Variants in ROR2 observed in about 807,000 individuals in gnomAD.
ROR2 encodes tyrosine-protein kinase transmembrane receptor ROR2.
In ROR2, 33 loss-of-function variants were observed where a neutral mutation model predicts 74.9. That is an observed-to-expected ratio of 0.44 (90% CI 0.33 to 0.59). ROR2 has a LOEUF of 0.59. ROR2 is among the 20% of genes least tolerant of loss of function. ROR2 has a pLI of 0.02. For missense variants in ROR2, 1,216 were observed against 1,313.8 expected (o/e 0.93, Z 1.15); for synonymous variants, 586 against 558.7 (o/e 1.05, Z -0.69).
chr9:91,768,500 T>G (rs1826127072), intron 2 of ROR2, among the ~76,000 whole-genome samples: 1 of 151,972 alleles, frequency 6.6e-6, no homozygotes, highest in Admixed American at 6.6e-5. Flanking sequence ...TCCAGCAAGC[T>G]CAGGAAGAAT....
intron 1 of ROR2, among the ~76,000 whole-genome samples, chr9:91,906,772 A>C (rs947033557): frequency 1.3e-5 from 2 of 152,204 alleles, no homozygotes. Flanking sequence ...CCTGCTACAT[A>C]GTTCTGCACC....
At chr9:91,864,250 G>T (rs1829560318) in intron 1 of ROR2, among the ~76,000 whole-genome samples, 1 of 152,180 alleles carries the variant, frequency 6.6e-6, no homozygotes, top group Non-Finnish European at 1.5e-5. Flanking sequence ...TGCACCCAGG[G>T]AAAGAGATCC....
chr9:91,810,165 AGGCTAC>A (rs1322824617), intron 1 of ROR2, among the ~76,000 whole-genome samples: 2 of 152,196 alleles, frequency 1.3e-5, no homozygotes, highest in Non-Finnish European at 2.9e-5. Context: ...ACCATGCCCG[AGGCTAC>A]GGTGGCGACA....
intron 5 of ROR2, among the ~76,000 whole-genome samples, chr9:91,735,465 G>T (rs1824986511): frequency 6.6e-6 from 1 of 152,096 alleles, no homozygotes; most frequent in South Asian, 2.1e-4. Flanking sequence ...GATAACTGAG[G>T]GACAATCTTG....
chr9:91,851,992 C>A (rs943572355), intron 1 of ROR2, among the ~76,000 whole-genome samples: 1 of 146,780 alleles, frequency 6.8e-6, no homozygotes, highest in African/African-American at 2.6e-5. Context: ...AAAAAAAAGA[C>A]AATAGGGTTT....
intron 1 of ROR2, among the ~76,000 whole-genome samples, chr9:91,929,809 T>C (rs1326858967): frequency 1.3e-5 from 2 of 152,046 alleles, no homozygotes; most frequent in South Asian, 2.1e-4. Context: ...GGACGGCCAC[T>C]ACCTCAAGTG....
intron 1 of ROR2, among the ~76,000 whole-genome samples, chr9:91,846,959 C>T (rs1828952125): frequency 6.6e-6 from 1 of 152,104 alleles, no homozygotes; most frequent in Admixed American, 6.5e-5. Context: ...CCTTCTGGTA[C>T]CCAGATAACC....
intron 1 of ROR2, among the ~76,000 whole-genome samples, chr9:91,937,209 C>T (rs1236618449): frequency 6.6e-6 from 1 of 152,064 alleles, no homozygotes; most frequent in Non-Finnish European, 1.5e-5. Context: ...AACAAGCTGA[C>T]CCAGAGGCGC....
At chr9:91,946,445 G>A (rs925974861) in intron 1 of ROR2, among the ~76,000 whole-genome samples, 3 of 152,242 alleles carry the variant, frequency 2.0e-5, no homozygotes, top group Admixed American at 1.3e-4. Flanking sequence ...ACAAGACGCT[G>A]ATGGGGTGTG....
intron 2 of ROR2, among the ~76,000 whole-genome samples, chr9:91,768,817 G>A (rs969201222): frequency 6.6e-6 from 1 of 152,124 alleles, no homozygotes; most frequent in African/African-American, 2.4e-5. Context: ...TCCTATTTGT[G>A]GGGTAGAGTT....
At chr9:91,798,416 T>A (rs1186685665) in intron 1 of ROR2, among the ~76,000 whole-genome samples, 1 of 116,014 alleles carries the variant, frequency 8.6e-6, no homozygotes. Context: ...CCCTGGGCTC[T>A]GTGGGTGGGG....
At chr9:91,867,438 G>GT (rs1367430486) in intron 1 of ROR2, among the ~76,000 whole-genome samples, 7 of 152,130 alleles carry the variant, frequency 4.6e-5, no homozygotes, top group Non-Finnish European at 8.8e-5. Flanking sequence ...CTCCATTGCT[G>GT]TTTTTTCTCT....
At chr9:91,737,603 G>T (rs993810955) in intron 4 of ROR2, 85 bp from the exon 5 acceptor site, 1 of 1,589,530 alleles carries the variant, frequency 6.3e-7, no homozygotes, top group Non-Finnish European at 8.6e-7. Context: ...AGCATCTTGC[G>T]ATCCAGCAAT....
intron 4 of ROR2, among the ~76,000 whole-genome samples, chr9:91,738,652 G>C (rs983904953): frequency 6.6e-6 from 1 of 152,222 alleles, no homozygotes; most frequent in Non-Finnish European, 1.5e-5. Context: ...GGTGATGGTA[G>C]GGACTCCAAG....
At chr9:91,943,674 T>A (rs952414309) in intron 1 of ROR2, among the ~76,000 whole-genome samples, 3 of 152,192 alleles carry the variant, frequency 2.0e-5, no homozygotes, top group African/African-American at 4.8e-5. Context: ...AGGCTGAGGA[T>A]ACACCGTCAA....
At chr9:91,893,864 C>T (rs1220066014) in intron 1 of ROR2, among the ~76,000 whole-genome samples, 1 of 152,210 alleles carries the variant, frequency 6.6e-6, no homozygotes, top group East Asian at 1.9e-4. Flanking sequence ...TCTTAACCAT[C>T]TCTAAATGGA....
At chr9:91,774,464 T>C (rs1826349260) in intron 2 of ROR2, among the ~76,000 whole-genome samples, 1 of 152,122 alleles carries the variant, frequency 6.6e-6, no homozygotes, top group Non-Finnish European at 1.5e-5. Context: ...TATTTGCAGG[T>C]GAGGCCTTTG....
chr9:91,858,938 C>T lies in ROR2; in HGVS notation c.98-83120G>A, dbSNP rs2119289711. Among the ~76,000 whole-genome samples, 3 of 152,266 alleles carry T rather than the reference C, an allele frequency of 2.0e-5. 1 individual carries two copies. In the Middle Eastern group the frequency reaches 0.01, roughly 518 times the overall value. ...GCCAGGCATCGGGCTCTATTGCCCA[C>T]CTCCTGAACACACACAGTGCCAGGT... On this transcript the variant is annotated intron_variant, in intron 1 of 8. Transcript: ENST00000375708.
At chr9:91,839,251 G>GGTGT (rs56134220) in intron 1 of ROR2, among the ~76,000 whole-genome samples, 1,438 of 107,710 alleles carry the variant, frequency 0.013, 7 homozygotes, top group Admixed American at 0.021. Flanking sequence ...TCAGATCGGG[G>GGTGT]GTGTGTGTGT....
Sources: gnomAD v4.1 joint callset for allele counts (sites outside exome capture counted in the v4.1 genomes callset) on GRCh38, gnomAD v4.1.1 for gene constraint, MANE v1.5 for transcripts, NCBI Gene and HGNC (gene_info 2026-07-23, HGNC 2026-07-21) for gene names.